Variants in HDAC9 observed in about 807,000 individuals in gnomAD.
HDAC9 encodes histone deacetylase 9.
HDAC9 carries 41 observed loss-of-function variants against 139.4 expected under a neutral mutation model. The ratio of observed to expected loss-of-function variants is 0.29; its 90% confidence interval spans 0.23 to 0.38. The LOEUF is 0.38. Among genes scored for constraint, HDAC9 ranks in the 10% least tolerant of loss-of-function variants. The probability of loss-of-function intolerance (pLI) is 1.00; values close to 1 mark genes in which losing one functional copy is unlikely to be tolerated. For synonymous variants in HDAC9, 517 were observed against 476.2 expected (o/e 1.09, Z -1.12); for missense variants, 1,147 against 1,297.0 (o/e 0.88, Z 1.78).
intron 12 of HDAC9, among the ~76,000 whole-genome samples, chr7:18,707,583 C>G (rs951167812): frequency 6.6e-6 from 1 of 152,056 alleles, no homozygotes; most frequent in African/African-American, 2.4e-5. Flanking sequence ...AAGATGCCAA[C>G]CATTATTCAG....
chr7:18,123,398 G>C (rs915124646), intron 1 of HDAC9, among the ~76,000 whole-genome samples: 1 of 152,116 alleles, frequency 6.6e-6, no homozygotes, highest in African/African-American at 2.4e-5. Flanking sequence ...GAACAGAGTC[G>C]TATGAAATTT....
At chr7:18,623,302 C>T (rs1584264992) in intron 6 of HDAC9, among the ~76,000 whole-genome samples, 2 of 152,100 alleles carry the variant, frequency 1.3e-5, no homozygotes, top group East Asian at 3.9e-4. Context: ...CAGTTATTAA[C>T]CAAAAGTTAT....
intron 2 of HDAC9, among the ~76,000 whole-genome samples, chr7:18,219,655 C>G (rs1231442900): frequency 6.6e-6 from 1 of 152,038 alleles, no homozygotes; most frequent in East Asian, 1.9e-4. Flanking sequence ...GTTATTACTT[C>G]GAAAGTTTCC....
chr7:18,592,095 CA>C lies in HDAC9; in HGVS notation c.542+454del, dbSNP rs1831158170. 2.6e-5 allele frequency among the ~76,000 whole-genome samples: 4 copies of C among 151,798 alleles called. No homozygotes were observed. The South Asian group carries it at 8.3e-4, about 32-fold the overall frequency. ...ACTTGACTTGGTGTAAGATGGAGGTCAGAGCTATTTTCAAAAATCTAGTAGA... is the reference window on the plus strand; with the variant it reads ...ACTTGACTTGGTGTAAGATGGAGGTCGAGCTATTTTCAAAAATCTAGTAGA... On this transcript the variant is annotated intron_variant, in intron 5 of 25. Transcript: ENST00000686413.
intron 22 of HDAC9, among the ~76,000 whole-genome samples, chr7:18,906,225 C>T (rs908908192): frequency 5.8e-4 from 88 of 151,790 alleles, no homozygotes; most frequent in South Asian, 2.1e-4. Context: ...TCACTGTAAC[C>T]TAGACGCCTC....
chr7:18,347,599 TCTTA>T (rs1446999189), intron 1 of HDAC9, among the ~76,000 whole-genome samples: 1 of 152,176 alleles, frequency 6.6e-6, no homozygotes, highest in Non-Finnish European at 1.5e-5. Flanking sequence ...TTTTATTTTA[TCTTA>T]CGTTATTTTA....
At chr7:18,581,609 AG>A (rs1246900982) in intron 2 of HDAC9, among the ~76,000 whole-genome samples, 1 of 152,186 alleles carries the variant, frequency 6.6e-6, no homozygotes, top group East Asian at 1.9e-4. Flanking sequence ...TATAGGGTTA[AG>A]TTCTGACCTT....
intron 25 of HDAC9, among the ~76,000 whole-genome samples, chr7:18,981,968 C>T (rs1017415064): frequency 2.6e-5 from 4 of 151,660 alleles, no homozygotes; most frequent in Non-Finnish European, 4.4e-5. Flanking sequence ...CAAAACAAAA[C>T]GCCTTATAGG....
chr7:18,354,336 GA>G (rs1783085890), intron 1 of HDAC9, among the ~76,000 whole-genome samples: 1 of 152,110 alleles, frequency 6.6e-6, no homozygotes, highest in Admixed American at 6.6e-5. Context: ...ATGCAATAAT[GA>G]AAATATGCAG....
At chr7:18,856,321 A>AT (rs1198041782) in intron 21 of HDAC9, among the ~76,000 whole-genome samples, 1 of 152,104 alleles carries the variant, frequency 6.6e-6, no homozygotes, top group African/African-American at 2.4e-5. Context: ...AACTGATTAG[A>AT]TTTTTTAACT....
At chr7:18,650,683 T>G (rs1041580700) in intron 11 of HDAC9, among the ~76,000 whole-genome samples, 1 of 152,210 alleles carries the variant, frequency 6.6e-6, no homozygotes, top group African/African-American at 2.4e-5. Context: ...TGGAGCTGAT[T>G]CCTTTGAATC....
At chr7:18,092,043 C>G (rs1175752290) in intron 1 of HDAC9, among the ~76,000 whole-genome samples, 1 of 152,138 alleles carries the variant, frequency 6.6e-6, no homozygotes, top group East Asian at 1.9e-4. Context: ...GGGCATGACT[C>G]CTTGGAGGTC....
Position 18,993,484 on chromosome 7 carries a change from A to G in HDAC9, c.3171-2539A>G, listed in dbSNP as rs116913100. Among the ~76,000 whole-genome samples, 1,048 of 152,288 alleles carry G rather than the reference A, an allele frequency of 6.9e-3. 11 individuals carry two copies. Among genetic ancestry groups the G allele is most frequent in the South Asian group, 0.051 (245 of 4,824 alleles). On this transcript the variant is annotated intron_variant, in intron 25 of 25. Transcript: ENST00000686413. ...ATATTTTCCAACTTACTATGCTACT[A>G]ACACTTCTATGCTGCAAGACGCTGG... is the stretch of plus-strand genomic sequence containing the variant.
chr7:18,134,506 G>A (rs1278540853), intron 1 of HDAC9, among the ~76,000 whole-genome samples: 1 of 152,098 alleles, frequency 6.6e-6, no homozygotes. Flanking sequence ...GCATGACTCT[G>A]TTTGAAGCAG....
At chr7:18,218,942 G>T (rs538208543) in intron 2 of HDAC9, among the ~76,000 whole-genome samples, 1 of 152,150 alleles carries the variant, frequency 6.6e-6, no homozygotes, top group South Asian at 2.1e-4. Flanking sequence ...CTGGGTCAAG[G>T]CATGTAAACA....
intron 16 of HDAC9, among the ~76,000 whole-genome samples, chr7:18,786,401 A>C (rs975529761): frequency 2.0e-5 from 3 of 151,184 alleles, no homozygotes; most frequent in Admixed American, 6.6e-5. Context: ...GGTAATGCCT[A>C]ATGTGAATAG....
intron 2 of HDAC9, among the ~76,000 whole-genome samples, chr7:18,240,142 T>G (rs1223653995): frequency 6.6e-6 from 1 of 152,080 alleles, no homozygotes; most frequent in Non-Finnish European, 1.5e-5. Flanking sequence ...TGGGGTGAAT[T>G]CTTTAAAAAA....
At position 18,954,827 on chromosome 7, in the gene HDAC9, G is replaced by A. The variant is rs539494436; in HGVS notation, c.3022+597G>A. ...ACCAAAGGGCACTATTAGGTGTCCA[G>A]GAGGAACAGGAAAACCCTTAGGTTT... On this transcript the variant is annotated intron_variant, in intron 24 of 25. Coordinates refer to ENST00000686413, the MANE Select transcript of HDAC9 (RefSeq NM_178425.4). 7.0e-4 allele frequency among the ~76,000 whole-genome samples: 107 copies of A among 152,168 alleles called. 1 individual carries two copies. Among genetic ancestry groups the A allele is most frequent in the African/African-American group, 2.4e-3 (100 of 41,542 alleles).
intron 12 of HDAC9, among the ~76,000 whole-genome samples, chr7:18,700,866 T>C (rs1783419804): frequency 6.6e-6 from 1 of 152,158 alleles, no homozygotes; most frequent in South Asian, 2.1e-4. Context: ...AAGTGTCTGC[T>C]TCTGTTACTC....
Sources: allele counts gnomAD v4.1 joint callset (sites outside exome capture counted in the v4.1 genomes callset), GRCh38; gene constraint gnomAD v4.1.1; transcripts MANE v1.5; gene names NCBI Gene and HGNC (gene_info 2026-07-23, HGNC 2026-07-21).